PCDHGB1: variants seen among roughly 807,000 people sequenced by gnomAD.
PCDHGB1 encodes the protein protocadherin gamma-B1.
PCDHGB1 carries 34 observed loss-of-function variants against 56.6 expected under a neutral mutation model. The observed-to-expected ratio is 0.60, with a 90% CI of 0.46 to 0.80. The LOEUF (loss-of-function observed/expected upper bound fraction) is 0.80. Among genes scored for constraint, PCDHGB1 ranks in the 30% least tolerant of loss-of-function variants. PCDHGB1 has a pLI of 0.00. For synonymous variants in PCDHGB1, 561 were observed against 505.9 expected (o/e 1.11, Z -1.46); for missense variants, 1,278 against 1,204.6 (o/e 1.06, Z -0.90).
chr5:141,504,836 C>A (rs550489904), intron 2 of PCDHGB1, among the ~76,000 whole-genome samples: 2 of 152,200 alleles, frequency 1.3e-5, no homozygotes, highest in East Asian at 3.9e-4. Context: ...TTTTCTCTAG[C>A]TCTGGAACAT....
chr5:141,462,198 G>C (rs2099034283), intron 1 of PCDHGB1, among the ~76,000 whole-genome samples: 1 of 152,182 alleles, frequency 6.6e-6, no homozygotes, highest in Non-Finnish European at 1.5e-5. Context: ...GACCTCAGGT[G>C]ATCCGCCTGC....
intron 1 of PCDHGB1, chr5:141,360,925 G>A: frequency 6.2e-7 from 1 of 1,614,018 alleles, no homozygotes; most frequent in Non-Finnish European, 8.5e-7. Context: ...TGTGCTTCAA[G>A]TGACAGCCAC....
intron 1 of PCDHGB1, among the ~76,000 whole-genome samples, chr5:141,445,620 C>T (rs561235315): frequency 2.0e-5 from 3 of 151,966 alleles, no homozygotes; most frequent in African/African-American, 4.8e-5. Context: ...TTCTTTTTTT[C>T]GGAAAGTGAT....
At chr5:141,464,120 C>G (rs1297254980) in intron 1 of PCDHGB1, among the ~76,000 whole-genome samples, 1 of 151,976 alleles carries the variant, frequency 6.6e-6, no homozygotes, top group African/African-American at 2.4e-5. Flanking sequence ...CAAAAATTAG[C>G]TGGGTGTGGT....
At chr5:141,422,206 G>C (rs1269700250) in intron 1 of PCDHGB1, 2 of 1,562,442 alleles carry the variant, frequency 1.3e-6, no homozygotes, top group East Asian at 4.5e-5. Context: ...AGATGGTGGA[G>C]GTCTCTTTAC....
At chr5:141,427,840 A>C (rs779622800) in intron 1 of PCDHGB1, 8 of 1,548,180 alleles carry the variant, frequency 5.2e-6, no homozygotes, top group Admixed American at 3.3e-5. Flanking sequence ...CGTGCCTTCG[A>C]CCACGAGCAG....
At chr5:141,498,796 G>A (rs1160540093) in intron 2 of PCDHGB1, among the ~76,000 whole-genome samples, 1 of 152,032 alleles carries the variant, frequency 6.6e-6, no homozygotes, top group Non-Finnish European at 1.5e-5. Context: ...AGCCAGGTGT[G>A]GTGGTGCACA....
intron 1 of PCDHGB1, chr5:141,361,349 T>C (rs1459363979): frequency 1.2e-6 from 2 of 1,613,856 alleles, no homozygotes; most frequent in Non-Finnish European, 1.7e-6. Context: ...TACAAACTAG[T>C]GACAGACGGC....
intron 1 of PCDHGB1, chr5:141,366,201 G>A (rs567413702): frequency 2.4e-5 from 39 of 1,613,736 alleles, no homozygotes; most frequent in Non-Finnish European, 3.2e-5. Flanking sequence ...CTGCACACGG[G>A]CGAGGTGCGC....
rs1345498022 is a variant in PCDHGB1 at position 141,493,312 on chromosome 5, A to G, written c.2410-1495A>G. On this transcript the variant is annotated intron_variant, in intron 1 of 3. Coordinates refer to ENST00000523390, the MANE Select transcript of PCDHGB1 (RefSeq NM_018922.3). This position sits in a 1 kb window ranked among gnomAD's most constrained non-coding sequence, Gnocchi z 4.3. ...CTCAAGTTCACAGAGCAAGTAAGAG[A>G]GATTCTAACCCCTGTCTAACTCCAG... 6.6e-6 allele frequency among the ~76,000 whole-genome samples: 1 copy of G among 152,174 alleles called. No individual in the cohort carries two copies. Among genetic ancestry groups the G allele is most frequent in the Non-Finnish European group, 1.5e-5 (1 of 68,028 alleles).
rs1414210927 is a variant in PCDHGB1, at chr5:141,477,460, C to G, written c.2410-17347C>G. 1.9e-6 allele frequency: 3 copies of G among 1,614,014 alleles called. No homozygotes were observed. The highest frequency in any genetic ancestry group is 2.5e-6 in the Non-Finnish European group (3 of 1,180,028). On this transcript the variant is annotated intron_variant, in intron 1 of 3. Transcript: ENST00000523390. The surrounding 1 kb of genome is among the most constrained non-coding windows in gnomAD (Gnocchi z 4.9). ...TTACAATAGTGCGTGTTCAAGTGTC[C>G]GACATCAATGACAACCCTCCACAAT...
chr5:141,404,290 T>C (rs2094507318), intron 1 of PCDHGB1: 1 of 1,613,984 alleles, frequency 6.2e-7, no homozygotes, highest in South Asian at 1.1e-5. Context: ...CTGACATCAA[T>C]GATAATCCAC....
chr5:141,373,718 CA>C, intron 1 of PCDHGB1, among the ~76,000 whole-genome samples: 1 of 152,310 alleles, frequency 6.6e-6, no homozygotes, highest in East Asian at 1.9e-4. Context: ...TAATCTCTTA[CA>C]CTCTTCTAAA....
chr5:141,422,780 T>C, intron 1 of PCDHGB1: 2 of 1,614,140 alleles, frequency 1.2e-6, no homozygotes, highest in Non-Finnish European at 1.7e-6. Context: ...CTCTATGCCC[T>C]ACAATCCTTC....
chr5:141,418,759 C>T (rs527475797), intron 1 of PCDHGB1: 17 of 1,613,898 alleles, frequency 1.1e-5, no homozygotes, highest in Non-Finnish European at 1.4e-5. Flanking sequence ...CTACAGGAAA[C>T]ATTCTAACTC....
Position 141,485,538 on chromosome 5 carries a change from A to T in PCDHGB1, c.2410-9269A>T. ...TTGGAAATGTACCGAGCAGAGGTAG[A>T]GATCGTAGATGTGAATGATCACGCC... On this transcript the variant is annotated intron_variant, in intron 1 of 3. Transcript: ENST00000523390. The surrounding 1 kb of genome is among the most constrained non-coding windows in gnomAD (Gnocchi z 5.7). The T allele has an allele frequency of 6.2e-7, 1 of 1,614,162 alleles. No individual in the cohort carries two copies. Among genetic ancestry groups the T allele is most frequent in the Admixed American group, 1.7e-5 (1 of 60,012 alleles).
Position 141,375,135 on chromosome 5 carries a change from C to T in PCDHGB1, c.2409+22466C>T, listed in dbSNP as rs757101411. The T allele has an allele frequency of 3.7e-6, 6 of 1,613,924 alleles. No homozygotes were observed. In the East Asian group the frequency reaches 1.3e-4, roughly 36 times the overall value. ...AATGTACCAGAAGTGGTTGTTACATCTGGAAGCAGAACAATTGCTGAAAGT... is the reference window on the plus strand; with the variant it reads ...AATGTACCAGAAGTGGTTGTTACATTTGGAAGCAGAACAATTGCTGAAAGT... On this transcript the variant is annotated intron_variant, in intron 1 of 3. Coordinates refer to ENST00000523390, the MANE Select transcript of PCDHGB1 (RefSeq NM_018922.3).
At chr5:141,423,702 C>T in intron 1 of PCDHGB1, 4 of 1,340,970 alleles carry the variant, frequency 3.0e-6, no homozygotes, top group South Asian at 1.6e-5. Flanking sequence ...GGTGTCTTGG[C>T]ACAAGTCTTT....
chr5:141,372,613 TC>T, intron 1 of PCDHGB1: 1 of 1,614,018 alleles, frequency 6.2e-7, no homozygotes, highest in Non-Finnish European at 8.5e-7. Context: ...CCTGGAGTTC[TC>T]CCCACCTACA....
Sources: allele counts gnomAD v4.1 joint callset (sites outside exome capture counted in the v4.1 genomes callset), GRCh38; gene constraint gnomAD v4.1.1; non-coding constraint Gnocchi (gnomAD v3.1); transcripts MANE v1.5; gene names NCBI Gene and HGNC (gene_info 2026-07-23, HGNC 2026-07-21).